C2orf80: variants seen among roughly 807,000 people sequenced by gnomAD.
C2orf80 encodes the protein chromosome 2 open reading frame 80, also known as uncharacterized protein C2orf80.
In C2orf80, 28 loss-of-function variants were observed where a neutral mutation model predicts 30.2. That is an observed-to-expected ratio of 0.93 (90% CI 0.69 to 1.27). The LOEUF is 1.27. Ranked by LOEUF, C2orf80 falls within the 50% of genes most tolerant of loss-of-function variation. The pLI, the probability that C2orf80 is intolerant of heterozygous loss-of-function variation, is 0.00. For missense variants in C2orf80, 220 were observed against 231.0 expected, an observed-to-expected ratio of 0.95 and a Z score of 0.31; for synonymous variants, 80 against 76.4, an observed-to-expected ratio of 1.05 and a Z score of -0.24.
At position 208,171,483 on chromosome 2, in the gene C2orf80, G is replaced by C. The variant is rs1442914915; in HGVS notation, c.455-420C>G. On this transcript the variant is annotated intron_variant, in intron 7 of 8. Coordinates refer to ENST00000341287, the MANE Select transcript of C2orf80 (RefSeq NM_001099334.3). ...TTACAGGCGCCTACCACCACACCCA[G>C]CTAATTTTTGTATTTTTAGTAGAGA... 2.0e-5 allele frequency among the ~76,000 whole-genome samples: 3 copies of C among 152,214 alleles called. No homozygotes were observed. The East Asian group carries it at 5.8e-4, about 29-fold the overall frequency.
rs546332612 is a variant in C2orf80, at chr2:208,175,815, T to G, written c.367-3740A>C. ...TTCCAAAAGACTCTTTTAAAATAGG[T>G]TTACCGTTCAGTCTTTGAAATGCTA... is the stretch of plus-strand genomic sequence containing the variant. On this transcript the variant is annotated intron_variant, in intron 6 of 8. Coordinates refer to ENST00000341287, the MANE Select transcript of C2orf80 (RefSeq NM_001099334.3). Among the ~76,000 whole-genome samples the G allele has an allele frequency of 2.6e-5, 4 of 152,200 alleles. No individual in the cohort carries two copies. In the South Asian group the frequency reaches 6.2e-4, roughly 24 times the overall value.
At chr2:208,166,969 G>C (rs1695916198) in intron 8 of C2orf80, among the ~76,000 whole-genome samples, 1 of 151,972 alleles carries the variant, frequency 6.6e-6, no homozygotes, top group Non-Finnish European at 1.5e-5. Flanking sequence ...ACTTTTCTAA[G>C]CCTTTACACA....
At chr2:208,173,552 G>A (rs757607994) in intron 6 of C2orf80, among the ~76,000 whole-genome samples, 1 of 152,090 alleles carries the variant, frequency 6.6e-6, no homozygotes, top group Non-Finnish European at 1.5e-5. Flanking sequence ...GTGAACCCGG[G>A]AGGCGGAGCT....
intron 6 of C2orf80, among the ~76,000 whole-genome samples, chr2:208,179,922 C>T (rs538948580): frequency 1.3e-5 from 2 of 151,970 alleles, no homozygotes; most frequent in Admixed American, 6.6e-5. Context: ...GCCAGGATTT[C>T]GAGGATTACT....
chr2:208,176,715 A>G (rs1204067658), intron 6 of C2orf80, among the ~76,000 whole-genome samples: 1 of 151,900 alleles, frequency 6.6e-6, no homozygotes, highest in Non-Finnish European at 1.5e-5. Context: ...TACAAATGAA[A>G]TTGAGAATTA....
chr2:208,187,730 A>G (rs1168052577), intron 1 of C2orf80, among the ~76,000 whole-genome samples: 3 of 151,860 alleles, frequency 2.0e-5, no homozygotes, highest in Admixed American at 6.6e-5. Context: ...AATTTATTTT[A>G]TGGTTGGGCC....
At chr2:208,187,505 C>T (rs898821187) in intron 1 of C2orf80, among the ~76,000 whole-genome samples, 5 of 152,080 alleles carry the variant, frequency 3.3e-5, no homozygotes, top group Admixed American at 2.0e-4. Flanking sequence ...TCTCCTATTG[C>T]CAGGAGATCC....
chr2:208,183,512 G>A (rs1391850016), intron 3 of C2orf80, among the ~76,000 whole-genome samples: 1 of 152,126 alleles, frequency 6.6e-6, no homozygotes, highest in Non-Finnish European at 1.5e-5. Flanking sequence ...AACAATTTCT[G>A]ATTCTGTGAG....
chr2:208,172,527 T>C (rs898187078), intron 6 of C2orf80, among the ~76,000 whole-genome samples: 12 of 152,180 alleles, frequency 7.9e-5, no homozygotes, highest in African/African-American at 2.9e-4. Flanking sequence ...CCAAAGTCTT[T>C]AACAGGCACT....
At chr2:208,187,587 C>G (rs1334457397) in intron 1 of C2orf80, among the ~76,000 whole-genome samples, 2 of 152,076 alleles carry the variant, frequency 1.3e-5, no homozygotes, top group Non-Finnish European at 2.9e-5. Context: ...AATTGAAGAT[C>G]AGGTGATGGG....
At chr2:208,171,159 T>G (rs1246670149) in intron 7 of C2orf80, 96 bp from the exon 8 acceptor site, 1 of 866,726 alleles carries the variant, frequency 1.2e-6, no homozygotes, top group Admixed American at 2.1e-5. Flanking sequence ...TAATTAATTA[T>G]TTTTGAGACA....
chr2:208,179,595 A>G (rs1696484412), intron 6 of C2orf80, among the ~76,000 whole-genome samples: 1 of 152,108 alleles, frequency 6.6e-6, no homozygotes, highest in African/African-American at 2.4e-5. Context: ...AGGTGAAGGG[A>G]TCAGTAGTTC....
At chr2:208,171,382 G>A (rs994557202) in intron 7 of C2orf80, among the ~76,000 whole-genome samples, 40 of 151,870 alleles carry the variant, frequency 2.6e-4, no homozygotes, top group African/African-American at 8.2e-4. Context: ...GTGCAGTGGC[G>A]CAATCTCAGC....
chr2:208,175,005 G>T (rs1559339174), intron 6 of C2orf80, among the ~76,000 whole-genome samples: 2 of 152,158 alleles, frequency 1.3e-5, no homozygotes, highest in Non-Finnish European at 2.9e-5. Context: ...ACATGGTCGG[G>T]CGCGGTGGCT....
Position 208,189,964 on chromosome 2 carries a change from C to T in C2orf80, c.-87G>A, listed in dbSNP as rs757515540. On this transcript the variant is annotated 5_prime_UTR_variant, in exon 1 of 9. Coordinates refer to ENST00000341287, the MANE Select transcript of C2orf80 (RefSeq NM_001099334.3). ...TGAGAATCGCTCACCAACCGGAGAC[C>T]GGTTCCAGTGCTTTTGTTCTTTCTC... 23 of 702,822 alleles carry T rather than the reference C, an allele frequency of 3.3e-5. No homozygotes were observed. The highest frequency in any genetic ancestry group is 4.2e-5 in the Non-Finnish European group (16 of 384,982). 43.5% of individuals were successfully genotyped at this position (702,822 alleles called of 1,614,324 possible).
chr2:208,175,121 T>C (rs552930214), intron 6 of C2orf80, among the ~76,000 whole-genome samples: 16 of 149,312 alleles, frequency 1.1e-4, no homozygotes, highest in Non-Finnish European at 2.2e-4. Flanking sequence ...TCGTCTCTAT[T>C]AAAAATTCAA....
chr2:208,187,544 T>G (rs890213798), intron 1 of C2orf80, among the ~76,000 whole-genome samples: 1 of 152,138 alleles, frequency 6.6e-6, no homozygotes, highest in Admixed American at 6.6e-5. Context: ...ATGGGAAATA[T>G]GTCTTCAATT....
chr2:208,181,406 G>C, intron 4 of C2orf80, 101 bp from the exon 5 acceptor site: 1 of 687,064 alleles, frequency 1.5e-6, no homozygotes, highest in Admixed American at 2.3e-5. Context: ...CAATGGCTGT[G>C]TGCTATCTGC....
chr2:208,175,548 C>T (rs1451096868), intron 6 of C2orf80, among the ~76,000 whole-genome samples: 2 of 152,126 alleles, frequency 1.3e-5, no homozygotes, highest in Non-Finnish European at 2.9e-5. Context: ...GCCATCCAGC[C>T]TAGCACAGTA....
Sources: allele counts gnomAD v4.1 joint callset (sites outside exome capture counted in the v4.1 genomes callset), GRCh38; gene constraint gnomAD v4.1.1; transcripts MANE v1.5; gene names NCBI Gene and HGNC (gene_info 2026-07-23, HGNC 2026-07-21).